The following GRM5 variants were observed in gnomAD, a reference collection of about 807,000 sequenced individuals.
The protein encoded by GRM5 is metabotropic glutamate receptor 5.
In GRM5, 19 loss-of-function variants were observed where a neutral mutation model predicts 83.1. The observed-to-expected ratio is 0.23, with a 90% confidence interval of 0.16 to 0.34. The LOEUF (loss-of-function observed/expected upper bound fraction) is 0.34. Ranked by LOEUF, GRM5 falls within the 10% of genes least tolerant of loss-of-function variation. GRM5 has a pLI of 1.00. For synonymous variants in GRM5, 675 were observed against 633.6 expected, an observed-to-expected ratio of 1.07 and a Z score of -0.98; for missense variants, 1,160 against 1,588.3, an observed-to-expected ratio of 0.73 and a Z score of 4.58.
At chr11:88,658,364 A>T (rs1939820421) in intron 3 of GRM5, among the ~76,000 whole-genome samples, 1 of 152,184 alleles carries the variant, frequency 6.6e-6, no homozygotes, top group African/African-American at 2.4e-5. Flanking sequence ...GACTGAACAA[A>T]TCACATGGCT....
chr11:88,833,864 G>T (rs1413098854), intron 3 of GRM5, among the ~76,000 whole-genome samples: 1 of 152,106 alleles, frequency 6.6e-6, no homozygotes, highest in Admixed American at 6.6e-5. Flanking sequence ...AATAAGCCAG[G>T]CACAGAAAGA....
At chr11:89,002,180 G>A (rs767702306) in intron 2 of GRM5, among the ~76,000 whole-genome samples, 3 of 152,004 alleles carry the variant, frequency 2.0e-5, no homozygotes, top group Non-Finnish European at 4.4e-5. Context: ...CAGTATCTAG[G>A]CTAAGAAAAA....
chr11:88,934,911 C>A (rs935280393), intron 2 of GRM5, among the ~76,000 whole-genome samples: 3 of 151,800 alleles, frequency 2.0e-5, no homozygotes, highest in African/African-American at 7.3e-5. Context: ...ATAAGGTTTG[C>A]CAAATTCTAT....
At chr11:88,540,807 C>T (rs890500453) in intron 8 of GRM5, among the ~76,000 whole-genome samples, 1 of 151,970 alleles carries the variant, frequency 6.6e-6, no homozygotes, top group African/African-American at 2.4e-5. Context: ...GTGGCGTGAT[C>T]GTGATCTCAG....
intron 3 of GRM5, among the ~76,000 whole-genome samples, chr11:88,658,087 C>G (rs982808599): frequency 1.3e-5 from 2 of 152,074 alleles, no homozygotes; most frequent in African/African-American, 2.4e-5. Context: ...TGAGCATTAC[C>G]TCCTGAGCTC....
chr11:88,532,083 A>G (rs1425592669), intron 8 of GRM5, among the ~76,000 whole-genome samples: 2 of 152,192 alleles, frequency 1.3e-5, no homozygotes, highest in Non-Finnish European at 2.9e-5. Flanking sequence ...GAAGTCTGTG[A>G]AAGCGAGTTG....
intron 2 of GRM5, among the ~76,000 whole-genome samples, chr11:88,896,573 A>T (rs543742): frequency 5.3e-5 from 8 of 151,550 alleles, no homozygotes; most frequent in Non-Finnish European, 8.8e-5. Context: ...GGAAGCAAAA[A>T]AATCCCATAA....
chr11:89,008,349 C>T (rs762342339), intron 2 of GRM5, among the ~76,000 whole-genome samples: 6 of 152,086 alleles, frequency 3.9e-5, no homozygotes, highest in Non-Finnish European at 7.4e-5. Flanking sequence ...ATGCTCAGAT[C>T]TCTATCATAA....
At chr11:88,875,294 T>C (rs535789149) in intron 2 of GRM5, among the ~76,000 whole-genome samples, 7 of 152,128 alleles carry the variant, frequency 4.6e-5, no homozygotes, top group Admixed American at 4.6e-4. Context: ...AAAAAGCACA[T>C]TCTTTGCTTA....
At chr11:88,878,689 G>C (rs1184259874) in intron 2 of GRM5, among the ~76,000 whole-genome samples, 1 of 152,164 alleles carries the variant, frequency 6.6e-6, no homozygotes, top group Admixed American at 6.6e-5. Context: ...TCATGAGACT[G>C]TCTTTTCCAA....
intron 6 of GRM5, among the ~76,000 whole-genome samples, chr11:88,595,434 G>C (rs778114877): frequency 6.6e-6 from 1 of 151,884 alleles, no homozygotes; most frequent in Non-Finnish European, 1.5e-5. Flanking sequence ...AGTATGCTCT[G>C]TTCTAATTTT....
chr11:88,643,884 T>C (rs1939367157), intron 4 of GRM5, among the ~76,000 whole-genome samples: 1 of 152,204 alleles, frequency 6.6e-6, no homozygotes, highest in African/African-American at 2.4e-5. Flanking sequence ...AACATTCTGA[T>C]GCATAAGGAA....
chr11:88,947,302 G>A (rs1444399780), intron 2 of GRM5, among the ~76,000 whole-genome samples: 3 of 151,902 alleles, frequency 2.0e-5, no homozygotes, highest in Non-Finnish European at 4.4e-5. Flanking sequence ...ATTTTTTTCT[G>A]TTGAAATATT....
chr11:88,835,427 T>A (rs1423438009), intron 3 of GRM5, among the ~76,000 whole-genome samples: 1 of 152,232 alleles, frequency 6.6e-6, no homozygotes, highest in Non-Finnish European at 1.5e-5. Context: ...ACCCATTGGT[T>A]ATGACTTGCA....
At chr11:88,883,368 G>T (rs762923756) in intron 2 of GRM5, among the ~76,000 whole-genome samples, 1 of 152,132 alleles carries the variant, frequency 6.6e-6, no homozygotes, top group African/African-American at 2.4e-5. Context: ...GAACTTGTTG[G>T]GAACTAGGTC....
chr11:88,737,066 GGAA>G (rs1415147359), intron 3 of GRM5, among the ~76,000 whole-genome samples: 8 of 152,062 alleles, frequency 5.3e-5, no homozygotes, highest in Non-Finnish European at 1.2e-4. Context: ...GGTCACTAGA[GGAA>G]GAAGGAGAAA....
At chr11:88,778,297 T>G (rs1189845911) in intron 3 of GRM5, among the ~76,000 whole-genome samples, 2 of 152,264 alleles carry the variant, frequency 1.3e-5, no homozygotes, top group African/African-American at 2.4e-5. Context: ...TGCCGGTTGT[T>G]AAGACCTTGG....
intron 2 of GRM5, among the ~76,000 whole-genome samples, chr11:88,935,561 A>G (rs1937864199): frequency 6.6e-6 from 1 of 151,848 alleles, no homozygotes; most frequent in Non-Finnish European, 1.5e-5. Context: ...CTTTAGGAAA[A>G]TCCATGAGCA....
rs1191470516 is a variant in GRM5 at position 88,656,796 on chromosome 11, AAAAC to A, written c.912-3397_912-3394del. On this transcript the variant is annotated intron_variant, in intron 3 of 9. Coordinates refer to ENST00000305447, the MANE Select transcript of GRM5 (RefSeq NM_001143831.3). ...TTTGGAAAAATAATAATACAAATAA[AAAAC>A]AAGACAGTATAATGACTATTTATAT... Among the ~76,000 whole-genome samples the A allele has an allele frequency of 1.3e-4, 20 of 152,316 alleles. No homozygotes were observed. The East Asian group carries it at 3.9e-3, about 29-fold the overall frequency.
Sources: gnomAD v4.1 joint callset for allele counts (sites outside exome capture counted in the v4.1 genomes callset) on GRCh38, gnomAD v4.1.1 for gene constraint, MANE v1.5 for transcripts, NCBI Gene and HGNC (gene_info 2026-07-23, HGNC 2026-07-21) for gene names.